FSIP2: variants seen among roughly 807,000 people sequenced by gnomAD.
FSIP2 encodes the protein fibrous sheath-interacting protein 2.
In FSIP2, 367 loss-of-function variants were observed where a neutral mutation model predicts 510.5. The ratio of observed to expected loss-of-function variants is 0.72; its 90% CI spans 0.66 to 0.78. FSIP2 has a LOEUF of 0.78. FSIP2 is among the 30% of genes least tolerant of loss of function. The pLI is 0.00. For missense variants in FSIP2, 7,594 were observed against 7,901.7 expected (o/e 0.96, Z 1.48); for synonymous variants, 2,601 against 2,732.2 (o/e 0.95, Z 1.50).
At chr2:185,747,168 C>A (rs994756387) in intron 6 of FSIP2, 145 bp from the exon 7 acceptor site, 7 of 558,694 alleles carry the variant, frequency 1.3e-5, no homozygotes, top group Non-Finnish European at 2.2e-5. Context: ...AAAGTATATT[C>A]TAAACCGAAC....
chr2:185,814,791 A>C (rs1693800533), intron 18 of FSIP2, among the ~76,000 whole-genome samples: 1 of 152,088 alleles, frequency 6.6e-6, no homozygotes, highest in African/African-American at 2.4e-5. Context: ...TACTGGATAC[A>C]TGAAATTCCA....
Position 185,807,955 on chromosome 2 carries a change from C to T in FSIP2, c.18649C>T (p.Leu6217=), listed in dbSNP as rs1335717465. 4.4e-6 allele frequency: 7 copies of T among 1,608,444 alleles called. No homozygotes were observed. Among genetic ancestry groups the T allele is most frequent in the Non-Finnish European group, 5.1e-6 (6 of 1,177,582 alleles). Residue 6217 remains leucine, a synonymous_variant, in exon 17 of 23, where the codon CTA becomes TTA. Transcript: ENST00000424728. ...TATGCAAAAAATAACTTCAAAAGTA[C>T]TAAATTCAGTCCAAGAATTTATCTC... ...TDMQKITSKV[L]NSVQEFISKS... is the part of the protein sequence containing the mutation.
In FSIP2 at chr2:185,791,753, C is replaced by A; in HGVS notation, c.4617C>A (p.Ser1539Arg). 6.5e-7 allele frequency: 1 copy of A among 1,534,556 alleles called. No individual in the cohort carries two copies. The highest frequency in any genetic ancestry group is 2.4e-5 in the East Asian group (1 of 40,844). The change falls in exon 16 of 23, where the codon AGC becomes AGA. Residue 1539 changes from serine to arginine, a missense_variant. Coordinates refer to ENST00000424728, the MANE Select transcript of FSIP2 (RefSeq NM_173651.4). The part of the protein sequence containing the change: ...KMAKSTKIIS[S>R]IVSRRVQEDN... ...CCAAATCCACCAAAATAATCTCCAG[C>A]ATAGTTTCCAGAAGGGTTCAGGAGG...
chr2:185,761,174 C>G lies in FSIP2; in HGVS notation c.1194+71C>G, dbSNP rs896167212. ...TCTACTTAACTTTTATTTCTATGAACTCTCTCCTTCAGCAGCATAGTACTG... is the reference window on the plus strand; with the variant it reads ...TCTACTTAACTTTTATTTCTATGAAGTCTCTCCTTCAGCAGCATAGTACTG... On this transcript the variant is annotated intron_variant, in intron 10 of 22. Transcript: ENST00000424728. The G allele has an allele frequency of 1.5e-5, 9 of 585,002 alleles. No homozygotes were observed. In the African/African-American group the frequency reaches 1.7e-4, roughly 11 times the overall value. 36.2% of individuals were successfully genotyped at this position (585,002 alleles called of 1,614,324 possible). A position where few individuals can be genotyped will look rare whatever the true frequency, so the allele number is the denominator to read the frequency against.
intron 7 of FSIP2, 84 bp downstream of exon 7, chr2:185,747,507 G>A (rs952914521): frequency 2.9e-6 from 2 of 685,690 alleles, no homozygotes; most frequent in African/African-American, 3.6e-5. Flanking sequence ...CACTTTGTGA[G>A]ATGACTGTTG....
chr2:185,819,827 G>A (rs1229347380), intron 19 of FSIP2, among the ~76,000 whole-genome samples: 1 of 119,264 alleles, frequency 8.4e-6, no homozygotes, highest in Non-Finnish European at 1.8e-5. Context: ...TGTGTTAAAT[G>A]CATTTTCAAT....
intron 21 of FSIP2, among the ~76,000 whole-genome samples, chr2:185,828,862 C>T (rs1483269058): frequency 6.6e-6 from 1 of 151,838 alleles, no homozygotes; most frequent in African/African-American, 2.4e-5. Context: ...TCCACCCCCA[C>T]ATACAACATA....
intron 3 of FSIP2, among the ~76,000 whole-genome samples, chr2:185,744,005 T>C (rs1318540089): frequency 1.3e-5 from 2 of 151,970 alleles, no homozygotes; most frequent in African/African-American, 4.8e-5. Context: ...GGTTAATTTT[T>C]TTTTTTTAGA....
chr2:185,796,831 T>C lies in FSIP2; in HGVS notation c.9695T>C (p.Met3232Thr), dbSNP rs1488657754. 7.8e-6 allele frequency: 12 copies of C among 1,535,052 alleles called. No homozygotes were observed. The highest frequency in any genetic ancestry group is 2.0e-5 in the Admixed American group (1 of 50,882). ...ACGAAAAGGCCTGATTCAGAAACTA[T>C]GCCATCGTGTTCTACTAGAAACAAA... ...EPTKRPDSET[M>T]PSCSTRNKVQ... The change falls in exon 16 of 23, where the codon ATG becomes ACG. Residue 3232 changes from methionine (M) to threonine (T), a missense_variant. Physicochemically the swap from Met to Thr is moderately conservative, Grantham distance 81. Coordinates refer to ENST00000424728, the MANE Select transcript of FSIP2 (RefSeq NM_173651.4).
At chr2:185,763,070 G>C in intron 11 of FSIP2, 113 bp from the exon 12 acceptor site, 1 of 598,054 alleles carries the variant, frequency 1.7e-6, no homozygotes, top group Non-Finnish European at 3.0e-6. Context: ...GGCAATTCTA[G>C]TCACTGTGGC....
In FSIP2 at chr2:185,797,396, G is replaced by A; in HGVS notation, c.10260G>A (p.Lys3420=). 1 of 1,532,526 alleles carries A rather than the reference G, an allele frequency of 6.5e-7. No homozygotes were observed. The highest frequency in any genetic ancestry group is 8.7e-7 in the Non-Finnish European group (1 of 1,145,632). The allele number at this position is 1,532,526 out of a possible 1,614,324, so 94.9% of individuals were successfully genotyped here. A position where few individuals can be genotyped will look rare whatever the true frequency, so the allele number is the denominator to read the frequency against. The change falls in exon 16 of 23, where the codon AAG becomes AAA. Residue 3420 remains lysine (K), a synonymous_variant. Transcript: ENST00000424728. Reference sequence around the variant, plus strand: ...AATTGAAAAAAAAGGAGTACCCAAAGATAGAGACTGTGAAGGAAGTTGAAG... The same window carrying A: ...AATTGAAAAAAAAGGAGTACCCAAAAATAGAGACTGTGAAGGAAGTTGAAG... ...LQKLKKKEYP[K]IETVKEVEAF... is the part of the protein sequence containing the mutation.
At chr2:185,776,827 CG>C (rs2105585873) in intron 13 of FSIP2, among the ~76,000 whole-genome samples, 1 of 151,160 alleles carries the variant, frequency 6.6e-6, no homozygotes, top group African/African-American at 2.4e-5. Flanking sequence ...TTCCGCCTCC[CG>C]GGTTCAAGTG....
chr2:185,765,935 GCTCT>G (rs1238741050), intron 13 of FSIP2: 19 of 149,346 alleles, frequency 1.3e-4, no homozygotes, highest in African/African-American at 4.4e-4. Context: ...TCATGATTTG[GCTCT>G]CTGTTTGTCT....
Position 185,802,703 on chromosome 2 carries a change from A to C in FSIP2, c.13397A>C (p.Tyr4466Ser). The stretch of plus-strand genomic sequence containing the variant: ...CCTCTATATAACACCTTGCTGCCAT[A>C]CACATTTTTAGAAGATATGATCAGA... The part of the protein sequence containing the change: ...SVPLYNTLLP[Y>S]TFLEDMIRVL... The change falls in exon 17 of 23, where the codon TAC becomes TCC. Residue 4466 changes from tyrosine to serine, a missense_variant. Tyr to Ser is a moderately radical substitution (Grantham distance 144, BLOSUM62 -2). Transcript: ENST00000424728. The C allele has an allele frequency of 6.6e-7, 1 of 1,526,116 alleles. No homozygotes were observed. Among genetic ancestry groups the C allele is most frequent in the South Asian group, 1.2e-5 (1 of 82,154 alleles). The allele number at this position is 1,526,116 out of a possible 1,614,324, so 94.5% of individuals were successfully genotyped here.
chr2:185,798,054 G>A (rs1693334945), intron 16 of FSIP2, among the ~76,000 whole-genome samples: 12 of 151,824 alleles, frequency 7.9e-5, no homozygotes, highest in Admixed American at 7.9e-4. Context: ...TTCAGGATTT[G>A]AATTTGAAGG....
At chr2:185,825,512 C>A (rs1468906289) in intron 20 of FSIP2, among the ~76,000 whole-genome samples, 4 of 151,664 alleles carry the variant, frequency 2.6e-5, no homozygotes, top group African/African-American at 9.7e-5. Context: ...CACTAGAAGT[C>A]CAAACCTCAC....
intron 9 of FSIP2, among the ~76,000 whole-genome samples, chr2:185,757,527 G>A (rs1692267022): frequency 6.6e-6 from 1 of 151,410 alleles, no homozygotes. Flanking sequence ...ATACACAGTA[G>A]TGACATCACA....
chr2:185,767,300 C>T (rs768882981), intron 13 of FSIP2, among the ~76,000 whole-genome samples: 64 of 146,758 alleles, frequency 4.4e-4, no homozygotes, highest in Non-Finnish European at 7.6e-4. Flanking sequence ...CACATGTACC[C>T]TAAAACTTAA....
At chr2:185,810,562 T>A (rs1488775600) in intron 17 of FSIP2, among the ~76,000 whole-genome samples, 1 of 132,598 alleles carries the variant, frequency 7.5e-6, no homozygotes, top group Non-Finnish European at 1.6e-5. Flanking sequence ...TTTTTTTTTT[T>A]TATAAATTAC....
Sources: gnomAD v4.1 joint callset for allele counts (sites outside exome capture counted in the v4.1 genomes callset) on GRCh38, gnomAD v4.1.1 for gene constraint, MANE v1.5 for transcripts, NCBI Gene and HGNC (gene_info 2026-07-23, HGNC 2026-07-21) for gene names.